NBEAL1: variants seen among roughly 807,000 people sequenced by gnomAD.
NBEAL1 encodes neurobeachin like 1, also known as neurobeachin-like protein 1.
NBEAL1 carries 273 observed loss-of-function variants against 351.3 expected under a neutral mutation model. The observed-to-expected ratio is 0.78, with a 90% CI of 0.70 to 0.86. The LOEUF (loss-of-function observed/expected upper bound fraction) is 0.86, where lower values mean the gene tolerates loss of function less well. Among genes scored for constraint, NBEAL1 ranks in the 40% least tolerant of loss-of-function variants. The pLI, the probability that NBEAL1 is intolerant of heterozygous loss-of-function variation, is 0.00. For synonymous variants in NBEAL1, 1,050 were observed against 1,086.4 expected (o/e 0.97, Z 0.66); for missense variants, 2,961 against 3,201.3 (o/e 0.92, Z 1.81).
intron 14 of NBEAL1, among the ~76,000 whole-genome samples, chr2:203,108,715 C>T (rs1355233739): frequency 6.6e-6 from 1 of 151,988 alleles, no homozygotes; most frequent in Non-Finnish European, 1.5e-5. Context: ...AAGTTTCCTT[C>T]TTAAAAGTAG....
intron 2 of NBEAL1, among the ~76,000 whole-genome samples, chr2:203,028,009 G>A (rs1478734350): frequency 6.6e-6 from 1 of 151,740 alleles, no homozygotes; most frequent in Admixed American, 6.6e-5. Flanking sequence ...TCAGCCTCCC[G>A]AGTAGGTGGG....
intron 51 of NBEAL1, among the ~76,000 whole-genome samples, chr2:203,206,934 G>A (rs2065596336): frequency 6.6e-6 from 1 of 151,286 alleles, no homozygotes; most frequent in South Asian, 2.1e-4. Context: ...GGAAAGTGAG[G>A]AGCGTCTCTG....
Position 203,130,447 on chromosome 2 carries a change from T to C in NBEAL1, c.3535T>C (p.Ser1179Pro). ...LYALLLNQKY[S>P]DRLREIIFKI... The stretch of plus-strand genomic sequence containing the variant: ...CGCATTGCTCTTAAATCAGAAGTAC[T>C]CTGACAGACTAAGAGAAATCATTTT... Residue 1179 changes from serine to proline, a missense_variant, in exon 25 of 56, where the codon TCT becomes CCT. Transcript: ENST00000683969. 1 of 1,462,930 alleles carries C rather than the reference T, an allele frequency of 6.8e-7. No homozygotes were observed. The highest frequency in any genetic ancestry group is 1.5e-5 in the South Asian group (1 of 67,518). The allele number at this position is 1,462,930 out of a possible 1,614,324, so 90.6% of individuals were successfully genotyped here. A position where few individuals can be genotyped will look rare whatever the true frequency, so the allele number is the denominator to read the frequency against.
At chr2:203,055,880 G>C (rs769417058) in intron 4 of NBEAL1, among the ~76,000 whole-genome samples, 1 of 152,178 alleles carries the variant, frequency 6.6e-6, no homozygotes, top group African/African-American at 2.4e-5. Flanking sequence ...ATATGATACT[G>C]TGCCGTCTTA....
chr2:203,069,860 A>G (rs527247850), intron 7 of NBEAL1, among the ~76,000 whole-genome samples: 1 of 152,190 alleles, frequency 6.6e-6, no homozygotes, highest in Non-Finnish European at 1.5e-5. Context: ...AAGTCTCACT[A>G]TGTTGCCTAG....
intron 45 of NBEAL1, among the ~76,000 whole-genome samples, chr2:203,189,151 A>G (rs959660527): frequency 3.9e-5 from 6 of 152,236 alleles, no homozygotes; most frequent in Admixed American, 6.5e-5. Context: ...CATGGCTGTT[A>G]GAAGCTTGGA....
At chr2:203,099,747 TTAAC>T in intron 12 of NBEAL1, 35 bp downstream of exon 12, 1 of 1,318,850 alleles carries the variant, frequency 7.6e-7, no homozygotes, top group Non-Finnish European at 1.0e-6. Flanking sequence ...TTTTTTTTTC[TTAAC>T]TTTTATTTTA....
intron 7 of NBEAL1, among the ~76,000 whole-genome samples, chr2:203,074,207 T>C (rs993251814): frequency 6.6e-6 from 1 of 152,120 alleles, no homozygotes; most frequent in South Asian, 2.1e-4. Context: ...ACCATAAATA[T>C]ATGCAATTTG....
chr2:203,214,865 AT>A (rs1325064018), intron 55 of NBEAL1, among the ~76,000 whole-genome samples: 1 of 152,186 alleles, frequency 6.6e-6, no homozygotes, highest in Non-Finnish European at 1.5e-5. Context: ...CAAAATCTTG[AT>A]TAATATGTAT....
At chr2:203,135,520 T>C (rs545817511) in intron 27 of NBEAL1, among the ~76,000 whole-genome samples, 157 bp from the exon 28 acceptor site, 1 of 152,334 alleles carries the variant, frequency 6.6e-6, no homozygotes, top group South Asian at 2.1e-4. Flanking sequence ...GTCTTCCAAA[T>C]AGTTTATAAT....
At chr2:203,108,586 G>A (rs983714924) in intron 14 of NBEAL1, among the ~76,000 whole-genome samples, 28 of 150,810 alleles carry the variant, frequency 1.9e-4, no homozygotes, top group African/African-American at 4.4e-4. Flanking sequence ...TTTTTTTTTC[G>A]TAGAGATGGG....
chr2:203,116,030 C>T lies in NBEAL1; in HGVS notation c.2552C>T (p.Ala851Val), dbSNP rs897696085. The T allele has an allele frequency of 6.4e-7, 1 of 1,553,562 alleles. No homozygotes were observed. Among genetic ancestry groups the T allele is most frequent in the Non-Finnish European group, 8.7e-7 (1 of 1,147,342 alleles). The change falls in exon 18 of 56, where the codon GCC becomes GTC. Residue 851 changes from alanine (A) to valine (V), a missense_variant. Coordinates refer to ENST00000683969, the MANE Select transcript of NBEAL1 (RefSeq NM_001378026.1). The part of the protein sequence containing the change: ...SPWKCQESDM[A>V]DLPGNILLYY... ...TGGAAGTGTCAAGAGTCTGACATGG[C>T]CGACCTGCCTGGTAACATCCTTCTT...
Position 203,218,758 on chromosome 2 carries a change from A to C in NBEAL1, c.*1404A>C, listed in dbSNP as rs555072285. On this transcript the variant is annotated 3_prime_UTR_variant, in exon 56 of 56. Transcript: ENST00000683969. ...CTTTATAATCTTTTGAGTGAGTAAA[A>C]AAATTTTAAGAAATAAAGGATTCTG... 6.6e-5 allele frequency: 10 copies of C among 152,188 alleles called. No homozygotes were observed. Among genetic ancestry groups the C allele is most frequent in the Non-Finnish European group, 1.3e-4 (9 of 68,012 alleles). 9.4% of individuals were successfully genotyped at this position (152,188 alleles called of 1,614,324 possible).
intron 2 of NBEAL1, among the ~76,000 whole-genome samples, chr2:203,033,660 C>T (rs2060989484): frequency 6.6e-6 from 1 of 152,164 alleles, no homozygotes; most frequent in Non-Finnish European, 1.5e-5. Context: ...TCACAACCCC[C>T]ACCACCCTTT....
At chr2:203,105,203 C>T (rs1340454637) in intron 12 of NBEAL1, among the ~76,000 whole-genome samples, 1 of 151,804 alleles carries the variant, frequency 6.6e-6, no homozygotes, top group Non-Finnish European at 1.5e-5. Flanking sequence ...TCGCTCACAC[C>T]TGTGATCCCA....
At chr2:203,188,301 G>A (rs1475161297) in intron 44 of NBEAL1, among the ~76,000 whole-genome samples, 171 bp from the exon 45 acceptor site, 1 of 152,046 alleles carries the variant, frequency 6.6e-6, no homozygotes, top group Non-Finnish European at 1.5e-5. Flanking sequence ...GTTAATATAT[G>A]TAGTATATAT....
chr2:203,137,739 T>A (rs2063251182), intron 29 of NBEAL1, among the ~76,000 whole-genome samples: 1 of 152,076 alleles, frequency 6.6e-6, no homozygotes. Context: ...ATCCCAGCAC[T>A]CTGGGAGGCT....
At chr2:203,185,375 A>G (rs2064864451) in intron 44 of NBEAL1, among the ~76,000 whole-genome samples, 1 of 152,200 alleles carries the variant, frequency 6.6e-6, no homozygotes. Context: ...TCAGTGGCTT[A>G]AAAGTATAGC....
At chr2:203,169,673 A>G (rs2064257883) in intron 38 of NBEAL1, 74 bp from the exon 39 acceptor site, 3 of 698,644 alleles carry the variant, frequency 4.3e-6, no homozygotes. Context: ...CTCTCAATAC[A>G]GCTATTGTGA....
Sources: gnomAD v4.1 joint callset for allele counts (sites outside exome capture counted in the v4.1 genomes callset) on GRCh38, gnomAD v4.1.1 for gene constraint, MANE v1.5 for transcripts, NCBI Gene and HGNC (gene_info 2026-07-23, HGNC 2026-07-21) for gene names.